Variants in PHKA2 observed in about 807,000 individuals in gnomAD.
PHKA2 encodes phosphorylase kinase regulatory subunit alpha 2.
A neutral mutation model predicts 102.0 loss-of-function variants in PHKA2; 31 were observed. The observed-to-expected ratio is 0.30, with a 90% CI of 0.23 to 0.41. The LOEUF (loss-of-function observed/expected upper bound fraction) is 0.41, where lower values mean the gene tolerates loss of function less well. PHKA2 is among the 10% of genes least tolerant of loss of function. The probability of loss-of-function intolerance (pLI) is 1.00; values close to 1 mark genes in which losing one functional copy is unlikely to be tolerated. For synonymous variants in PHKA2, 455 were observed against 416.2 expected, an observed-to-expected ratio of 1.09 and a Z score of -1.13; for missense variants, 858 against 1,023.1, an observed-to-expected ratio of 0.84 and a Z score of 2.20.
In PHKA2 at chrX:18,941,660, T is replaced by C; in HGVS notation, c.733A>G (p.Met245Val). The change falls in exon 8 of 33, where the codon ATG becomes GTG. Residue 245 changes from methionine (M) to valine (V), a missense_variant. By Grantham distance (21) the Met-to-Val change is conservative (BLOSUM62 1). Coordinates refer to ENST00000379942, the MANE Select transcript of PHKA2 (RefSeq NM_000292.3). Reference protein sequence around the residue: ...VEHCQSILFSMLPRASTSKEI... With the variant: ...VEHCQSILFSVLPRASTSKEI... ...TTAGATGTCGACGCTCTTGGCAGCA[T>C]GGAGAACAGAATAGACTGAATGAAA... The C allele has an allele frequency of 8.5e-7, 1 of 1,170,976 alleles. No homozygotes were observed. Among genetic ancestry groups the C allele is most frequent in the Non-Finnish European group, 1.2e-6 (1 of 857,700 alleles).
chrX:18,921,680 T>C (rs2048125555), intron 17 of PHKA2, among the ~76,000 whole-genome samples: 1 of 111,650 alleles, frequency 9.0e-6, no homozygotes, highest in South Asian at 3.7e-4. Context: ...TCATCTGCCA[T>C]GGTCTATAAC....
chrX:18,940,143 G>T lies in PHKA2; in HGVS notation c.865-95C>A, dbSNP rs1032135430. 24 of 601,996 alleles carry T rather than the reference G, an allele frequency of 4.0e-5. No individual in the cohort carries two copies. In the African/African-American group the frequency reaches 5.3e-4, roughly 13 times the overall value. 49.6% of individuals were successfully genotyped at this position (601,996 alleles called of 1,213,427 possible). ...CACCCTCTTTCCCATGAATCTTTTA[G>T]TAATGAATTTTATACCAAGTGTTCT... On this transcript the variant is annotated intron_variant, in intron 8 of 32. Transcript: ENST00000379942.
At chrX:18,936,688 G>A (rs2048398856) in intron 10 of PHKA2, among the ~76,000 whole-genome samples, 1 of 112,261 alleles carries the variant, frequency 8.9e-6, no homozygotes, top group Admixed American at 9.4e-5. Context: ...ATAACATTCT[G>A]TCATTTGTAG....
At chrX:18,977,170 A>G (rs1178050986) in intron 1 of PHKA2, among the ~76,000 whole-genome samples, 1 of 112,124 alleles carries the variant, frequency 8.9e-6, no homozygotes, top group Non-Finnish European at 1.9e-5. Flanking sequence ...ATTCAGAAGC[A>G]GGCTTGCTAA....
chrX:18,913,443 T>C (rs2047963677), intron 19 of PHKA2, among the ~76,000 whole-genome samples: 1 of 110,673 alleles, frequency 9.0e-6, no homozygotes, highest in African/African-American at 3.3e-5. Flanking sequence ...TCTCGCCTTG[T>C]TGCCCAGGCT....
At position 18,894,360 on chromosome X, in the gene PHKA2, C is replaced by T. The variant is rs1278751140; in HGVS notation, c.3381G>A (p.Val1127=). ...ACTCGGGCTGCGGCACGCGGTTCAG[C>T]ACCGATTCGACATGGACAGCAAACT... ...EIKFAVHVES[V]LNRVPQPEYR... Residue 1127 remains valine (V), a synonymous_variant, in exon 32 of 33, where the codon GTG becomes GTA. Coordinates refer to ENST00000379942, the MANE Select transcript of PHKA2 (RefSeq NM_000292.3). The T allele has an allele frequency of 1.4e-5, 17 of 1,210,446 alleles. No homozygotes were observed. Among genetic ancestry groups the T allele is most frequent in the Admixed American group, 2.2e-5 (1 of 45,896 alleles).
chrX:18,910,572 AGT>A (rs1234788674), intron 20 of PHKA2, among the ~76,000 whole-genome samples: 3 of 112,319 alleles, frequency 2.7e-5, no homozygotes, highest in Non-Finnish European at 5.6e-5. Context: ...GGGGTTAGGT[AGT>A]GAGCTTTTTC....
At chrX:18,905,645 A>G (rs903611367) in intron 26 of PHKA2, 113 bp downstream of exon 26, 2 of 577,229 alleles carry the variant, frequency 3.5e-6, no homozygotes, top group Admixed American at 4.5e-5. Flanking sequence ...CATCTCCTTC[A>G]GGTAGGAGCC....
At chrX:18,946,899 T>C (rs1452044410) in intron 5 of PHKA2, among the ~76,000 whole-genome samples, 3 of 108,645 alleles carry the variant, frequency 2.8e-5, no homozygotes, top group African/African-American at 1.0e-4. Context: ...CTGTGCATTG[T>C]AGGATGTCTA....
intron 27 of PHKA2, among the ~76,000 whole-genome samples, 181 bp from the exon 28 acceptor site, chrX:18,900,880 C>T (rs1051019127): frequency 2.7e-5 from 3 of 111,141 alleles, no homozygotes; most frequent in Non-Finnish European, 3.8e-5. Flanking sequence ...GCAGAAAATT[C>T]GAGTGCATTT....
At position 18,924,533 on chromosome X, in the gene PHKA2, T is replaced by C. The variant is rs1477512043; in HGVS notation, c.1570-8A>G. 1.7e-6 allele frequency: 2 copies of C among 1,209,932 alleles called. No individual in the cohort carries two copies. The highest frequency in any genetic ancestry group is 5.9e-5 in the East Asian group (2 of 33,840). On this transcript the variant is annotated splice_polypyrimidine_tract_variant and splice_region_variant and intron_variant, in intron 15 of 32. Coordinates refer to ENST00000379942, the MANE Select transcript of PHKA2 (RefSeq NM_000292.3). ...GTGATGCTGGTCGGTGAACTGAAAG[T>C]CAGAGGAGGCTGGGTAAACGGCCAC... is the stretch of plus-strand genomic sequence containing the variant.
In PHKA2 at chrX:18,893,354, G is replaced by T; in HGVS notation, c.*131C>A. The T allele has an allele frequency of 1.5e-6, 1 of 647,175 alleles. No homozygotes were observed. The highest frequency in any genetic ancestry group is 2.5e-6 in the Non-Finnish European group (1 of 394,373). The allele number at this position is 647,175 out of a possible 1,213,427, so 53.3% of individuals were successfully genotyped here. ...CAGTTTCAGGGTGAGTGCTACCATT[G>T]CCCCCCGAGAGTGTTTCTGATGGGA... On this transcript the variant is annotated 3_prime_UTR_variant, in exon 33 of 33. Transcript: ENST00000379942.
chrX:18,909,529 T>C (rs1234869825), intron 20 of PHKA2, among the ~76,000 whole-genome samples: 2 of 111,940 alleles, frequency 1.8e-5, no homozygotes, highest in Non-Finnish European at 3.8e-5. Flanking sequence ...GCCCAGGAAC[T>C]GGGGGCGGCA....
At position 18,955,470 on chromosome X, in the gene PHKA2, A is replaced by G. The variant is rs35438230; in HGVS notation, c.79-1058T>C. On this transcript the variant is annotated intron_variant, in intron 1 of 32. Coordinates refer to ENST00000379942, the MANE Select transcript of PHKA2 (RefSeq NM_000292.3). ...AATATACTAAAAACCATCCAGTTGT[A>G]CAGCTTAAATAGGTGAATTGTATGG... 8.1e-3 allele frequency among the ~76,000 whole-genome samples: 887 copies of G among 109,201 alleles called. 5 individuals are homozygous for G. The highest frequency in any genetic ancestry group is 0.014 in the Non-Finnish European group (744 of 52,607). The allele number at this position is 109,201 out of a possible 115,157, so 94.8% of individuals were successfully genotyped here.
chrX:18,906,465 C>A (rs377332743), intron 25 of PHKA2, 30 bp downstream of exon 25: 4 of 1,209,900 alleles, frequency 3.3e-6, no homozygotes, highest in Non-Finnish European at 3.4e-6. Context: ...TGGGGTGCGG[C>A]GGGAGCTGCA....
chrX:18,946,601 T>A (rs1275892514), intron 5 of PHKA2, among the ~76,000 whole-genome samples: 1 of 109,959 alleles, frequency 9.1e-6, no homozygotes, highest in East Asian at 2.9e-4. Context: ...GCTTTCCTCC[T>A]AAATCTACTC....
At chrX:18,964,649 AGAG>A (rs1404194167) in intron 1 of PHKA2, among the ~76,000 whole-genome samples, 2 of 112,538 alleles carry the variant, frequency 1.8e-5, no homozygotes, top group Admixed American at 9.4e-5. Context: ...GAAATATTAA[AGAG>A]GAGTGGGGAA....
chrX:18,926,660 G>T, intron 13 of PHKA2, 73 bp from the exon 14 acceptor site: 2 of 974,663 alleles, frequency 2.1e-6, no homozygotes, highest in East Asian at 6.1e-5. Context: ...GTTCCTTACT[G>T]CCCTCTTCTG....
In PHKA2 at chrX:18,926,725, GAC is replaced by G. The variant is rs2048216598; in HGVS notation, c.1325-140_1325-139del. On this transcript the variant is annotated intron_variant, in intron 13 of 32. Transcript: ENST00000379942. The stretch of plus-strand genomic sequence containing the variant: ...CCATGCAATGACTGGCTTTGGAAAT[GAC>G]AGTGTTCGTCCTGCTGCTCCTCCCC... The G allele has an allele frequency of 6.7e-5, 41 of 615,551 alleles. No individual in the cohort carries two copies. The South Asian group carries it at 9.4e-4, about 14-fold the overall frequency. 50.7% of individuals were successfully genotyped at this position (615,551 alleles called of 1,213,427 possible). A position where few individuals can be genotyped will look rare whatever the true frequency, so the allele number is the denominator to read the frequency against.
Sources: allele counts gnomAD v4.1 joint callset (sites outside exome capture counted in the v4.1 genomes callset), GRCh38; gene constraint gnomAD v4.1.1; transcripts MANE v1.5; gene names NCBI Gene and HGNC (gene_info 2026-07-23, HGNC 2026-07-21).